The following SLC35F1 variants were observed in gnomAD, a reference collection of about 807,000 sequenced individuals.
SLC35F1 encodes the protein solute carrier family 35 member F1.
In SLC35F1, 14 loss-of-function variants were observed where a neutral mutation model predicts 48.7. The ratio of observed to expected loss-of-function variants is 0.29; its 90% CI spans 0.19 to 0.45. SLC35F1 has a LOEUF of 0.45. SLC35F1 is among the 20% of genes least tolerant of loss of function. The probability of loss-of-function intolerance (pLI) is 1.00; values close to 1 mark genes in which losing one functional copy is unlikely to be tolerated. For missense variants in SLC35F1, 404 were observed against 500.0 expected (o/e 0.81, Z 1.83); for synonymous variants, 190 against 202.2 (o/e 0.94, Z 0.51).
At chr6:118,006,770 G>A (rs1026659721) in intron 1 of SLC35F1, among the ~76,000 whole-genome samples, 3 of 151,954 alleles carry the variant, frequency 2.0e-5, no homozygotes, top group African/African-American at 7.3e-5. Flanking sequence ...ACAATAAAAA[G>A]TAAATGTCCT....
chr6:118,069,645 G>T (rs1410257852), intron 1 of SLC35F1, among the ~76,000 whole-genome samples: 1 of 152,070 alleles, frequency 6.6e-6, no homozygotes, highest in Non-Finnish European at 1.5e-5. Flanking sequence ...CCTCATTGTT[G>T]GCTTCTCTAG....
intron 1 of SLC35F1, among the ~76,000 whole-genome samples, chr6:117,975,880 T>A (rs926675573): frequency 2.6e-5 from 4 of 152,232 alleles, no homozygotes; most frequent in African/African-American, 9.6e-5. Flanking sequence ...ATCCCTCTTC[T>A]GGAAATTCTG....
chr6:118,089,099 A>G (rs1562286274), intron 1 of SLC35F1, among the ~76,000 whole-genome samples: 1 of 152,186 alleles, frequency 6.6e-6, no homozygotes, highest in African/African-American at 2.4e-5. Flanking sequence ...CCGTGGAGAT[A>G]GAATTGATGG....
Position 118,141,814 on chromosome 6 carries a change from AC to A in SLC35F1, c.174-12630del, listed in dbSNP as rs574903526. Among the ~76,000 whole-genome samples, 13 of 152,296 alleles carry A rather than the reference AC, an allele frequency of 8.5e-5. No individual in the cohort carries two copies. The South Asian group carries it at 2.3e-3, about 27-fold the overall frequency. On this transcript the variant is annotated intron_variant, in intron 1 of 7. Transcript: ENST00000360388. ...TTGTAAATGGTTTCATCTGGAGAAC[AC>A]AATAAATGACTGCTTTCCCTACCAG... is the stretch of plus-strand genomic sequence containing the variant.
intron 1 of SLC35F1, among the ~76,000 whole-genome samples, chr6:118,003,572 T>A (rs1460913348): frequency 6.6e-6 from 1 of 152,168 alleles, no homozygotes; most frequent in Non-Finnish European, 1.5e-5. Flanking sequence ...GTTCAGATGT[T>A]GAGGGAGAAT....
chr6:117,938,598 G>C (rs117241040), intron 1 of SLC35F1, among the ~76,000 whole-genome samples: 2,870 of 152,310 alleles, frequency 0.019, 35 homozygotes, highest in Non-Finnish European at 0.032. Context: ...CTCCTGAGAA[G>C]CTTCAGCCTG....
At chr6:118,006,394 A>G (rs1453038428) in intron 1 of SLC35F1, among the ~76,000 whole-genome samples, 2 of 152,116 alleles carry the variant, frequency 1.3e-5, no homozygotes, top group Admixed American at 6.6e-5. Context: ...AGGGGAGAGG[A>G]TTGTTTGAGA....
At chr6:118,089,067 G>C (rs901910006) in intron 1 of SLC35F1, among the ~76,000 whole-genome samples, 2 of 152,152 alleles carry the variant, frequency 1.3e-5, no homozygotes, top group African/African-American at 2.4e-5. Context: ...AAGAAATCAT[G>C]GTGCCTAGAA....
At chr6:117,945,058 T>C (rs1232230058) in intron 1 of SLC35F1, among the ~76,000 whole-genome samples, 4 of 152,132 alleles carry the variant, frequency 2.6e-5, no homozygotes, top group Admixed American at 2.6e-4. Flanking sequence ...TTGCATCCAT[T>C]TGGGGGAAGA....
chr6:118,124,993 G>T (rs1242367457), intron 1 of SLC35F1, among the ~76,000 whole-genome samples: 1 of 152,112 alleles, frequency 6.6e-6, no homozygotes, highest in Non-Finnish European at 1.5e-5. Flanking sequence ...ATGGACAAAA[G>T]AAATGCTGGA....
At chr6:118,050,431 A>G (rs1286008594) in intron 1 of SLC35F1, among the ~76,000 whole-genome samples, 4 of 152,046 alleles carry the variant, frequency 2.6e-5, no homozygotes, top group East Asian at 1.9e-4. Context: ...TTACAGTGCA[A>G]TAAGGGCAGT....
intron 3 of SLC35F1, among the ~76,000 whole-genome samples, chr6:118,251,514 T>C (rs1775575226): frequency 1.3e-5 from 2 of 152,136 alleles, no homozygotes; most frequent in Admixed American, 1.3e-4. Context: ...AAAAAGTACC[T>C]AATGACGGAT....
At position 118,181,291 on chromosome 6, in the gene SLC35F1, A is replaced by C. The variant is rs73523966; in HGVS notation, c.349+26671A>C. Among the ~76,000 whole-genome samples the C allele has an allele frequency of 2.0e-3, 309 of 152,256 alleles. 1 individual carries two copies. Among genetic ancestry groups the C allele is most frequent in the African/African-American group, 7.1e-3 (296 of 41,564 alleles). ...GTTTGTGAGGTATGAATCTGGAAAAAAATTAAACCATAGGCAAGAACAGTA... is the reference window on the plus strand; with the variant it reads ...GTTTGTGAGGTATGAATCTGGAAAACAATTAAACCATAGGCAAGAACAGTA... On this transcript the variant is annotated intron_variant, in intron 2 of 7. Coordinates refer to ENST00000360388, the MANE Select transcript of SLC35F1 (RefSeq NM_001029858.4).
intron 3 of SLC35F1, among the ~76,000 whole-genome samples, chr6:118,246,601 G>T (rs10499086): frequency 4.6e-5 from 7 of 152,026 alleles, no homozygotes; most frequent in South Asian, 4.2e-4. Flanking sequence ...CAGGCCGCTT[G>T]GTTCTCTGGT....
intron 1 of SLC35F1, among the ~76,000 whole-genome samples, chr6:118,030,757 A>T (rs1263818574): frequency 1.3e-5 from 2 of 152,144 alleles, no homozygotes; most frequent in African/African-American, 4.8e-5. Flanking sequence ...AAAATTAAAG[A>T]TCCTTGGTGA....
At chr6:118,216,544 G>C (rs557530962) in intron 2 of SLC35F1, among the ~76,000 whole-genome samples, 4 of 151,714 alleles carry the variant, frequency 2.6e-5, no homozygotes, top group African/African-American at 9.7e-5. Context: ...TTTTGAGACA[G>C]AGGAGCAAAG....
chr6:118,241,430 G>A (rs1775438946), intron 3 of SLC35F1, among the ~76,000 whole-genome samples: 1 of 152,158 alleles, frequency 6.6e-6, no homozygotes, highest in South Asian at 2.1e-4. Context: ...GCAATTTCAT[G>A]TGAATCTATA....
At chr6:118,300,891 AC>A (rs1167285369) in intron 7 of SLC35F1, among the ~76,000 whole-genome samples, 1 of 152,228 alleles carries the variant, frequency 6.6e-6, no homozygotes, top group East Asian at 1.9e-4. Flanking sequence ...ATTAGAATGT[AC>A]ATGTTGGTGA....
chr6:117,977,722 A>C (rs1776723541), intron 1 of SLC35F1, among the ~76,000 whole-genome samples: 1 of 152,286 alleles, frequency 6.6e-6, no homozygotes, highest in African/African-American at 2.4e-5. Context: ...GGTTTTAAAA[A>C]TATATGCATT....
Sources: allele counts gnomAD v4.1 joint callset (sites outside exome capture counted in the v4.1 genomes callset), GRCh38; gene constraint gnomAD v4.1.1; transcripts MANE v1.5; gene names NCBI Gene and HGNC (gene_info 2026-07-23, HGNC 2026-07-21).